The following FREM3 variants were observed in gnomAD, a reference collection of about 807,000 sequenced individuals.
FREM3 encodes FRAS1-related extracellular matrix protein 3.
In FREM3, 105 loss-of-function variants were observed where a neutral mutation model predicts 129.1. The observed-to-expected ratio is 0.81, with a 90% confidence interval of 0.69 to 0.96. The LOEUF (loss-of-function observed/expected upper bound fraction) is 0.96. Ranked by LOEUF, FREM3 falls within the 40% of genes least tolerant of loss-of-function variation. The pLI, the probability that FREM3 is intolerant of heterozygous loss-of-function variation, is 0.00. For missense variants in FREM3, 2,593 were observed against 2,666.3 expected, an observed-to-expected ratio of 0.97 and a Z score of 0.61; for synonymous variants, 1,014 against 1,044.9, an observed-to-expected ratio of 0.97 and a Z score of 0.57.
At chr4:143,688,748 A>G (rs1740412708) in intron 2 of FREM3, among the ~76,000 whole-genome samples, 1 of 152,202 alleles carries the variant, frequency 6.6e-6, no homozygotes, top group African/African-American at 2.4e-5. Flanking sequence ...GATCTTCGAC[A>G]AGGCAAACAA....
At chr4:143,628,391 C>A (rs1477237164) in intron 2 of FREM3, among the ~76,000 whole-genome samples, 1 of 152,062 alleles carries the variant, frequency 6.6e-6, no homozygotes, top group Non-Finnish European at 1.5e-5. Context: ...ATCAACCCAG[C>A]CCCTTATTGT....
Position 143,697,298 on chromosome 4 carries a change from A to G in FREM3, c.3378T>C (p.Gly1126=). The G allele has an allele frequency of 6.5e-7, 1 of 1,537,312 alleles. No individual in the cohort carries two copies. The highest frequency in any genetic ancestry group is 8.7e-7 in the Non-Finnish European group (1 of 1,146,910). Residue 1126 remains glycine (G), a synonymous_variant, in exon 1 of 8, where the codon GGT becomes GGC. Transcript: ENST00000329798. ...GGCTACCAGACTGGGACATTTTTGA[A>G]CCAGGAGCTGATGCAATCTTTTCCA... ...GYLEKIASAP[G]SKMSQSGSPI... is the part of the protein sequence containing the mutation.
intron 6 of FREM3, among the ~76,000 whole-genome samples, chr4:143,595,813 G>A (rs1417710044): frequency 6.8e-6 from 1 of 146,354 alleles, no homozygotes; most frequent in African/African-American, 2.5e-5. Flanking sequence ...GCGTGAACCT[G>A]GGAGGCAGAG....
chr4:143,602,577 A>G (rs1485771345), intron 6 of FREM3, among the ~76,000 whole-genome samples: 1 of 152,128 alleles, frequency 6.6e-6, no homozygotes, highest in East Asian at 1.9e-4. Context: ...TTTACAAACC[A>G]ATACCTGCTC....
intron 6 of FREM3, among the ~76,000 whole-genome samples, chr4:143,594,304 C>T (rs4835205): frequency 0.12 from 17,578 of 152,158 alleles, 2,125 homozygotes; most frequent in East Asian, 0.63. Flanking sequence ...AGAAATCACC[C>T]GTCTTCTGTG....
intron 2 of FREM3, among the ~76,000 whole-genome samples, chr4:143,686,125 A>T (rs1740359809): frequency 6.6e-6 from 1 of 152,174 alleles, no homozygotes; most frequent in South Asian, 2.1e-4. Context: ...AAAGGGGTGG[A>T]AAAGGACATT....
intron 2 of FREM3, among the ~76,000 whole-genome samples, chr4:143,670,583 C>T (rs1236965470): frequency 1.3e-5 from 2 of 151,962 alleles, no homozygotes; most frequent in Non-Finnish European, 2.9e-5. Context: ...AGCAAAACGA[C>T]GTTTTTAAAA....
intron 6 of FREM3, among the ~76,000 whole-genome samples, chr4:143,606,674 A>T (rs1354669882): frequency 1.3e-5 from 2 of 152,168 alleles, no homozygotes; most frequent in Non-Finnish European, 2.9e-5. Context: ...GCTTTAACTG[A>T]CTGGGCAAAC....
In FREM3 at chr4:143,676,656, C is replaced by T. The variant is rs9683515; in HGVS notation, c.5275+16457G>A. 5.2e-4 allele frequency among the ~76,000 whole-genome samples: 79 copies of T among 152,124 alleles called. 1 individual carries two copies. The highest frequency in any genetic ancestry group is 1.9e-3 in the African/African-American group (77 of 41,482). ...ATCTAGAAAACCCCATTGTCTCAGC[C>T]CAAAATCTCCTTAAGCTGATAAGCA... On this transcript the variant is annotated intron_variant, in intron 2 of 7. Transcript: ENST00000329798.
intron 2 of FREM3, among the ~76,000 whole-genome samples, chr4:143,667,059 C>G (rs543373632): frequency 2.6e-5 from 4 of 152,056 alleles, no homozygotes; most frequent in Non-Finnish European, 5.9e-5. Context: ...ATTTTGACAT[C>G]TCTGCAATAC....
At chr4:143,594,791 G>A (rs535804335) in intron 6 of FREM3, among the ~76,000 whole-genome samples, 1 of 152,334 alleles carries the variant, frequency 6.6e-6, no homozygotes, top group East Asian at 1.9e-4. Flanking sequence ...TAGGTATTGA[G>A]CATCAGGAGA....
intron 2 of FREM3, among the ~76,000 whole-genome samples, chr4:143,664,793 C>T (rs1031773253): frequency 1.5e-4 from 23 of 152,124 alleles, no homozygotes; most frequent in African/African-American, 5.1e-4. Flanking sequence ...TTGGCAATGG[C>T]GGGCGCCCCT....
At chr4:143,598,464 G>T (rs1738520186) in intron 6 of FREM3, among the ~76,000 whole-genome samples, 1 of 152,178 alleles carries the variant, frequency 6.6e-6, no homozygotes, top group Non-Finnish European at 1.5e-5. Flanking sequence ...TCTATAGTAT[G>T]TGAGATTGTT....
At chr4:143,613,133 G>C (rs1186799944) in intron 5 of FREM3, among the ~76,000 whole-genome samples, 2 of 152,172 alleles carry the variant, frequency 1.3e-5, no homozygotes, top group Non-Finnish European at 2.9e-5. Context: ...TTTCAGAATG[G>C]TTTTTTTGAA....
At chr4:143,642,805 A>C (rs1560855103) in intron 2 of FREM3, among the ~76,000 whole-genome samples, 1 of 151,208 alleles carries the variant, frequency 6.6e-6, no homozygotes. Context: ...TCAAACTCAC[A>C]TGCTTTTGCA....
chr4:143,665,750 C>T (rs1022115948), intron 2 of FREM3, among the ~76,000 whole-genome samples: 1 of 152,120 alleles, frequency 6.6e-6, no homozygotes, highest in Non-Finnish European at 1.5e-5. Context: ...TCCCCTCTGC[C>T]TTTTCAGAAC....
chr4:143,647,006 T>C (rs1398109505), intron 2 of FREM3, among the ~76,000 whole-genome samples: 2 of 152,092 alleles, frequency 1.3e-5, no homozygotes, highest in African/African-American at 4.8e-5. Context: ...CAGGAAGGTG[T>C]GGGAAAGTTT....
In FREM3 at chr4:143,699,332, T is replaced by A. The variant is rs150454159; in HGVS notation, c.1344A>T (p.Ser448=). ...TGCTGTGGGTGCTGGACAAGGGCCT[T>A]GACTGACCTTCAAAAAGCACAAGTC... The part of the protein sequence containing the change: ...NRGLVLFEGQ[S]RPLSSTHSIP... The change falls in exon 1 of 8, where the codon TCA becomes TCT. Residue 448 remains serine, a synonymous_variant. Transcript: ENST00000329798. The surrounding 1 kb of genome is among the most constrained non-coding windows in gnomAD (Gnocchi z 4.2). 4.1e-4 allele frequency: 627 copies of A among 1,537,384 alleles called. 5 individuals carry two copies. In the African/African-American group the frequency reaches 7.7e-3, roughly 19 times the overall value.
intron 2 of FREM3, among the ~76,000 whole-genome samples, chr4:143,646,867 G>A (rs1263491619): frequency 6.6e-6 from 1 of 152,144 alleles, no homozygotes; most frequent in African/African-American, 2.4e-5. Context: ...GAAGTTTGTA[G>A]GGCTCAGAAG....
Sources: gnomAD v4.1 joint callset for allele counts (sites outside exome capture counted in the v4.1 genomes callset) on GRCh38, gnomAD v4.1.1 for gene constraint, Gnocchi (gnomAD v3.1) non-coding constraint, MANE v1.5 for transcripts, NCBI Gene and HGNC (gene_info 2026-07-23, HGNC 2026-07-21) for gene names.